The following SEMA3G variants were observed in gnomAD, a reference collection of about 807,000 sequenced individuals.
SEMA3G encodes the protein semaphorin-3G.
In SEMA3G, 70 loss-of-function variants were observed where a neutral mutation model predicts 86.2. The observed-to-expected ratio is 0.81, with a 90% CI of 0.67 to 0.99. SEMA3G has a LOEUF of 0.99. Ranked by LOEUF, SEMA3G falls within the 50% of genes least tolerant of loss-of-function variation. SEMA3G has a pLI of 0.00. For synonymous variants in SEMA3G, 416 were observed against 441.4 expected (o/e 0.94, Z 0.72); for missense variants, 1,002 against 1,072.4 (o/e 0.93, Z 0.92).
Position 52,442,588 on chromosome 3 carries a change from C to T in SEMA3G, c.310G>A (p.Glu104Lys), listed in dbSNP as rs775761789. 3 of 1,614,144 alleles carry T rather than the reference C, an allele frequency of 1.9e-6. No homozygotes were observed. Among genetic ancestry groups the T allele is most frequent in the Non-Finnish European group, 1.7e-6 (2 of 1,179,996 alleles). The change falls in exon 3 of 16, where the codon GAG (glutamate) becomes AAG (lysine). Residue 104 changes from glutamate (E) to lysine (K), a missense_variant. Glu to Lys is a moderately conservative substitution (Grantham distance 56). Coordinates refer to ENST00000231721, the MANE Select transcript of SEMA3G (RefSeq NM_020163.3). This position sits in a 1 kb window ranked among gnomAD's most constrained non-coding sequence, Gnocchi z 6.1. ...GGATCTCTTCCCTTTCGAACACACT[C>T]CTCCCTCTGTCCTGGCTGCGGTGGC... ...LWPPQPGQRE[E>K]CVRKGRDPLT...
chr3:52,441,185 C>T, intron 7 of SEMA3G, 79 bp downstream of exon 7: 1 of 1,553,474 alleles, frequency 6.4e-7, no homozygotes, highest in Non-Finnish European at 8.7e-7. Context: ...TACTGCTGGC[C>T]AGGGGTGGGG....
rs903062564 is a variant in SEMA3G at position 52,436,196 on chromosome 3, C to G, written c.1879-123G>C. On this transcript the variant is annotated intron_variant, in intron 15 of 15. Coordinates refer to ENST00000231721, the MANE Select transcript of SEMA3G (RefSeq NM_020163.3). ...CTGGGCACTTCTTGCCCTATTCTCC[C>G]CTTCCCAGGAGGGGACCAGCAGCGT... 62 of 1,443,234 alleles carry G rather than the reference C, an allele frequency of 4.3e-5. 1 individual carries two copies. In the Middle Eastern group the frequency reaches 7.5e-4, roughly 17 times the overall value. 89.4% of individuals were successfully genotyped at this position (1,443,234 alleles called of 1,614,324 possible).
chr3:52,440,625 G>A lies in SEMA3G; in HGVS notation c.999-104C>T, dbSNP rs1337102918. On this transcript the variant is annotated intron_variant, in intron 9 of 15. Coordinates refer to ENST00000231721, the MANE Select transcript of SEMA3G (RefSeq NM_020163.3). Reference sequence around the variant, plus strand: ...CAGAGGGTGACAGTGCCTGCAGCAAGCAGAGACTCCGAAAAGCAAAGACCC... The same window carrying A: ...CAGAGGGTGACAGTGCCTGCAGCAAACAGAGACTCCGAAAAGCAAAGACCC... 4 of 1,471,416 alleles carry A rather than the reference G, an allele frequency of 2.7e-6. No individual in the cohort carries two copies. The African/African-American group carries it at 4.2e-5, about 15-fold the overall frequency. 91.1% of individuals were successfully genotyped at this position (1,471,416 alleles called of 1,614,324 possible). A position where few individuals can be genotyped will look rare whatever the true frequency, so the allele number is the denominator to read the frequency against.
intron 15 of SEMA3G, 53 bp from the exon 16 acceptor site, chr3:52,436,126 C>T (rs1413336840): frequency 3.5e-5 from 54 of 1,527,014 alleles, no homozygotes; most frequent in Non-Finnish European, 4.1e-5. Context: ...AGTTTACCAT[C>T]GGCTTCTCTG....
intron 6 of SEMA3G, 29 bp downstream of exon 6, chr3:52,441,545 C>G: frequency 1.3e-6 from 2 of 1,598,856 alleles, no homozygotes; most frequent in Non-Finnish European, 1.7e-6. Flanking sequence ...AGCCTCTTCA[C>G]CCCTGCCAGT....
chr3:52,435,965 A>G lies in SEMA3G; in HGVS notation c.1987T>C (p.Ser663Pro). 2 of 1,613,988 alleles carry G rather than the reference A, an allele frequency of 1.2e-6. No individual in the cohort carries two copies. The highest frequency in any genetic ancestry group is 8.5e-7 in the Non-Finnish European group (1 of 1,180,024). The change falls in exon 16 of 16, where the codon TCC (serine) becomes CCC (proline). Residue 663 changes from serine (S) to proline (P), a missense_variant. Transcript: ENST00000231721. ...YTCTTLEHGF[S>P]QTVVRLALVV... ...AGAGCCAGGCGGACCACAGTCTGGG[A>G]GAAGCCATGCTCCAGAGTGGTGCAG...
At position 52,435,424 on chromosome 3, in the gene SEMA3G, C is replaced by G. The variant is rs1243450862; in HGVS notation, c.*179G>C. On this transcript the variant is annotated 3_prime_UTR_variant, in exon 16 of 16. Coordinates refer to ENST00000231721, the MANE Select transcript of SEMA3G (RefSeq NM_020163.3). ...TAAGAGCACAGAGAAGGGCAGGGAA[C>G]AGGCTTCAAGAACCCAGCCCCTCCA... The G allele has an allele frequency of 7.9e-6, 5 of 631,858 alleles. No individual in the cohort carries two copies. The African/African-American group carries it at 9.2e-5, about 12-fold the overall frequency. The allele number at this position is 631,858 out of a possible 1,614,324, so 39.1% of individuals were successfully genotyped here. A position where few individuals can be genotyped will look rare whatever the true frequency, so the allele number is the denominator to read the frequency against.
intron 1 of SEMA3G, among the ~76,000 whole-genome samples, chr3:52,444,472 GCACCCAAACAGGGCACACGCACA>G (rs1706221229): frequency 6.7e-6 from 1 of 150,020 alleles, no homozygotes; most frequent in African/African-American, 2.5e-5. Context: ...CAGGGCACAC[GCACCCAAACAGGGCACACGCACA>G]CAAACATGGC....
rs761704866 is a variant in SEMA3G, at chr3:52,443,079, G to T, written c.116-172C>A. On this transcript the variant is annotated intron_variant, in intron 1 of 15. Coordinates refer to ENST00000231721, the MANE Select transcript of SEMA3G (RefSeq NM_020163.3). ...TTTCGGACCATGGCTCCTGGGGACA[G>T]GTGGGACGGGAGGCTCAGAGCCTCC... is the stretch of plus-strand genomic sequence containing the variant. 59 of 1,529,272 alleles carry T rather than the reference G, an allele frequency of 3.9e-5. No homozygotes were observed. In the Middle Eastern group the frequency reaches 1.0e-3, roughly 26 times the overall value. 94.7% of individuals were successfully genotyped at this position (1,529,272 alleles called of 1,614,324 possible). A position where few individuals can be genotyped will look rare whatever the true frequency, so the allele number is the denominator to read the frequency against.
chr3:52,436,673 T>A (rs1559608529), intron 15 of SEMA3G, among the ~76,000 whole-genome samples: 1 of 152,198 alleles, frequency 6.6e-6, no homozygotes, highest in Non-Finnish European at 1.5e-5. Context: ...GCGTGGGAAG[T>A]GGGAGTGCCG....
In SEMA3G at chr3:52,438,919, C is replaced by A; in HGVS notation, c.1509+1G>T. Reference sequence around the variant, plus strand: ...AAGAGGAGGGTGGCAGCTGTTCTTACCCTTTTGACAGAGATCTCCATTTCG... The same window carrying A: ...AAGAGGAGGGTGGCAGCTGTTCTTAACCTTTTGACAGAGATCTCCATTTCG... On this transcript the variant is annotated splice_donor_variant, in intron 13 of 15. Transcript: ENST00000231721. LOFTEE classifies it high-confidence loss of function. The A allele has an allele frequency of 6.2e-7, 1 of 1,613,454 alleles. No homozygotes were observed. The highest frequency in any genetic ancestry group is 8.5e-7 in the Non-Finnish European group (1 of 1,179,654).
At chr3:52,438,462 C>A in intron 13 of SEMA3G, 1 of 985,470 alleles carries the variant, frequency 1.0e-6, no homozygotes, top group Non-Finnish European at 1.2e-6. Flanking sequence ...CAGGTGCTGA[C>A]CTTTGCCCTC....
rs747515553 is a variant in SEMA3G at position 52,443,000 on chromosome 3, C to A, written c.116-93G>T. 1 of 1,546,730 alleles carries A rather than the reference C, an allele frequency of 6.5e-7. No individual in the cohort carries two copies. The highest frequency in any genetic ancestry group is 8.7e-7 in the Non-Finnish European group (1 of 1,146,808). On this transcript the variant is annotated intron_variant, in intron 1 of 15. Transcript: ENST00000231721. This position sits in a 1 kb window ranked among gnomAD's most constrained non-coding sequence, Gnocchi z 6.1. Reference sequence around the variant, plus strand: ...GGTGGAGGCCCCGGCTGAGCATCCACCCCTGACACACTCACATCTGGAAAA... The same window carrying A: ...GGTGGAGGCCCCGGCTGAGCATCCAACCCTGACACACTCACATCTGGAAAA...
At position 52,440,773 on chromosome 3, in the gene SEMA3G, C is replaced by T. The variant is rs201087157; in HGVS notation, c.979G>A (p.Ala327Thr). 2.2e-5 allele frequency: 35 copies of T among 1,613,092 alleles called. No homozygotes were observed. The Admixed American group carries it at 3.2e-4, about 15-fold the overall frequency. ...PKAGKSLEVY[A>T]LFSTVSAVFQ... ...GCCCACCTGACGGTGCTGAACAGCG[C>T]GTACACCTCGAGGCTCTTCCCGGCC... Residue 327 changes from alanine (A) to threonine (T), a missense_variant, in exon 9 of 16, where the codon GCG (alanine) becomes ACG (threonine). By Grantham distance (58) the Ala-to-Thr change is moderately conservative. Coordinates refer to ENST00000231721, the MANE Select transcript of SEMA3G (RefSeq NM_020163.3).
At chr3:52,441,475 G>T in intron 6 of SEMA3G, 66 bp from the exon 7 acceptor site, 1 of 1,595,146 alleles carries the variant, frequency 6.3e-7, no homozygotes, top group Non-Finnish European at 8.6e-7. Context: ...GTAGAACCCA[G>T]TGGGGAGAGG....
Position 52,439,710 on chromosome 3 carries a change from T to A in SEMA3G, c.1437A>T (p.Glu479Asp). 1.2e-6 allele frequency: 2 copies of A among 1,613,894 alleles called. No homozygotes were observed. The highest frequency in any genetic ancestry group is 1.1e-5 in the South Asian group (1 of 91,068). The change falls in exon 12 of 16, where the codon GAA becomes GAT. Residue 479 changes from glutamate (E) to aspartate (D), a missense_variant. Coordinates refer to ENST00000231721, the MANE Select transcript of SEMA3G (RefSeq NM_020163.3). The stretch of plus-strand genomic sequence containing the variant: ...ACACCTGGAGCTCCTCCAGAACCAC[T>A]TCCTCAGGTTCAGCTGAGCCCCCTG... ...LQAGGSAEPE[E>D]VVLEELQVFK...
At position 52,435,494 on chromosome 3, in the gene SEMA3G, G is replaced by T; in HGVS notation, c.*109C>A. 9.3e-7 allele frequency: 1 copy of T among 1,071,808 alleles called. No individual in the cohort carries two copies. Among genetic ancestry groups the T allele is most frequent in the East Asian group, 2.4e-5 (1 of 41,940 alleles). The allele number at this position is 1,071,808 out of a possible 1,614,324, so 66.4% of individuals were successfully genotyped here. A position where few individuals can be genotyped will look rare whatever the true frequency, so the allele number is the denominator to read the frequency against. On this transcript the variant is annotated 3_prime_UTR_variant, in exon 16 of 16. Coordinates refer to ENST00000231721, the MANE Select transcript of SEMA3G (RefSeq NM_020163.3). ...TGGGGGCAGAGACACCTGTCTCTAA[G>T]AGGCAAACAGACATCCTGACCCCTC...
rs1415088799 is a variant in SEMA3G, at chr3:52,441,590, G to A, written c.651C>T (p.Asp217=). Residue 217 remains aspartate (D), a synonymous_variant, in exon 6 of 16, where the codon GAC becomes GAT. Coordinates refer to ENST00000231721, the MANE Select transcript of SEMA3G (RefSeq NM_020163.3). The stretch of plus-strand genomic sequence containing the variant: ...AGGCCTCACCGTGCAAGAGACTCTG[G>A]TCAGAGTCGGAACGCAGAGCTGGCC... ...GPRPALRSDS[D]QSLLHDPRFV... 6.2e-7 allele frequency: 1 copy of A among 1,612,230 alleles called. No homozygotes were observed. The highest frequency in any genetic ancestry group is 8.5e-7 in the Non-Finnish European group (1 of 1,178,788).
Position 52,433,846 on chromosome 3 carries a change from A to G in SEMA3G, c.*1757T>C, listed in dbSNP as rs1199683713. On this transcript the variant is annotated 3_prime_UTR_variant, in exon 16 of 16. Coordinates refer to ENST00000231721, the MANE Select transcript of SEMA3G (RefSeq NM_020163.3). ...CCCTCCCTTCTGCTCTTCAGCCCCC[A>G]TCCTTTCCTCCTCTCCTCCTCTGCC... is the stretch of plus-strand genomic sequence containing the variant. 2.6e-5 allele frequency: 4 copies of G among 151,568 alleles called. No individual in the cohort carries two copies. Among genetic ancestry groups the G allele is most frequent in the African/African-American group, 9.7e-5 (4 of 41,088 alleles). 9.4% of individuals were successfully genotyped at this position (151,568 alleles called of 1,614,324 possible).
Sources: gnomAD v4.1 joint callset for allele counts (sites outside exome capture counted in the v4.1 genomes callset) on GRCh38, gnomAD v4.1.1 for gene constraint, Gnocchi (gnomAD v3.1) non-coding constraint, MANE v1.5 for transcripts, NCBI Gene and HGNC (gene_info 2026-07-23, HGNC 2026-07-21) for gene names.